The following IL5RA variants were observed in gnomAD, a reference collection of about 807,000 sequenced individuals.
IL5RA encodes interleukin-5 receptor subunit alpha.
In IL5RA, 49 loss-of-function variants were observed where a neutral mutation model predicts 50.0. The observed-to-expected ratio is 0.98, with a 90% confidence interval of 0.78 to 1.24. The LOEUF (loss-of-function observed/expected upper bound fraction) is 1.24, where lower values mean the gene tolerates loss of function less well. IL5RA is among the 50% of genes most tolerant of loss of function. The pLI is 0.00. For missense variants in IL5RA, 600 were observed against 500.4 expected (o/e 1.20, Z -1.90); for synonymous variants, 202 against 174.0 (o/e 1.16, Z -1.26).
chr3:3,101,084 C>T (rs1703627855), intron 5 of IL5RA, among the ~76,000 whole-genome samples: 2 of 151,284 alleles, frequency 1.3e-5, no homozygotes, highest in South Asian at 2.1e-4. Context: ...GAGGCTGTGA[C>T]ATGAGAACCG....
At chr3:3,070,366 T>C (rs1032512120) in intron 11 of IL5RA, 55 bp from the exon 12 acceptor site, 1 of 1,107,404 alleles carries the variant, frequency 9.0e-7, no homozygotes, top group Non-Finnish European at 1.4e-6. Flanking sequence ...TTGGGTTCTT[T>C]GAAATCTTTA....
In IL5RA at chr3:3,101,766, A is replaced by C; in HGVS notation, c.293T>G (p.Val98Gly). 1 of 1,614,182 alleles carries C rather than the reference A, an allele frequency of 6.2e-7. No homozygotes were observed. Among genetic ancestry groups the C allele is most frequent in the Non-Finnish European group, 8.5e-7 (1 of 1,179,990 alleles). ...GTGGTCGTTCTGCAGGATGGTCCGC[A>C]CACTTGCTGAAAAGCCTTTGTGGAG... is the stretch of plus-strand genomic sequence containing the variant. ...TILHKGFSASVRTILQNDHSL... is the reference protein window; with the variant it reads ...TILHKGFSASGRTILQNDHSL... Residue 98 changes from valine (V) to glycine (G), a missense_variant, in exon 5 of 12, where the codon GTG becomes GGG. By Grantham distance (109) the Val-to-Gly change is moderately radical (BLOSUM62 -3). Transcript: ENST00000446632.
At chr3:3,090,132 A>G (rs1703025761) in intron 9 of IL5RA, 4 of 1,403,582 alleles carry the variant, frequency 2.8e-6, no homozygotes, top group South Asian at 1.2e-5. Flanking sequence ...TGTATTTAGC[A>G]TAGTGCTTGG....
intron 8 of IL5RA, 112 bp downstream of exon 8, chr3:3,095,187 T>C: frequency 1.3e-6 from 1 of 749,416 alleles, no homozygotes; most frequent in Non-Finnish European, 2.2e-6. Context: ...TAAGTTAACT[T>C]TGACCTTGTT....
intron 10 of IL5RA, among the ~76,000 whole-genome samples, chr3:3,075,956 C>A (rs1048381201): frequency 6.6e-6 from 1 of 152,098 alleles, no homozygotes; most frequent in Non-Finnish European, 1.5e-5. Context: ...TGTTTTTAAG[C>A]CTCCTAAAAG....
rs1559875557 is a variant in IL5RA at position 3,098,177 on chromosome 3, T to C, written c.481A>G (p.Thr161Ala). The change falls in exon 6 of 12, where the codon ACA becomes GCA. Residue 161 changes from threonine to alanine, a missense_variant. By Grantham distance (58) the Thr-to-Ala change is moderately conservative. Coordinates refer to ENST00000446632, the MANE Select transcript of IL5RA (RefSeq NM_175726.4). The stretch of plus-strand genomic sequence containing the variant: ...TACTGCGTGTCCTCAGGGGCATCTG[T>C]GCCAACAAGCCAGGTGCAGTGAAGG... ...VSLHCTWLVG[T>A]DAPEDTQYFL... 1 of 1,614,166 alleles carries C rather than the reference T, an allele frequency of 6.2e-7. No homozygotes were observed. Among genetic ancestry groups the C allele is most frequent in the Non-Finnish European group, 8.5e-7 (1 of 1,180,026 alleles).
chr3:3,102,853 T>C, intron 3 of IL5RA, 33 bp from the exon 4 acceptor site: 1 of 1,581,168 alleles, frequency 6.3e-7, no homozygotes, highest in East Asian at 2.3e-5. Flanking sequence ...AACAACACAA[T>C]GTTCAACTGG....
Position 3,069,200 on chromosome 3 carries a change from C to T in IL5RA, c.*1025G>A, listed in dbSNP as rs1702218926. The T allele has an allele frequency of 6.6e-6, 1 of 152,238 alleles. No homozygotes were observed. The highest frequency in any genetic ancestry group is 2.4e-5 in the African/African-American group (1 of 41,424). 9.4% of individuals were successfully genotyped at this position (152,238 alleles called of 1,614,324 possible). A position where few individuals can be genotyped will look rare whatever the true frequency, so the allele number is the denominator to read the frequency against. ...CCCAGGGCACACCTGTGCTTGGTTC[C>T]ACCTGCAGTCCACCACCCACCACAA... On this transcript the variant is annotated 3_prime_UTR_variant, in exon 12 of 12. Transcript: ENST00000446632.
intron 9 of IL5RA, among the ~76,000 whole-genome samples, chr3:3,080,164 C>T (rs340805): frequency 0.32 from 49,039 of 152,118 alleles, 8,611 homozygotes; most frequent in African/African-American, 0.44. Context: ...ATTTTCTATA[C>T]ATATTTTTGC....
At chr3:3,104,699 G>A (rs977953412) in intron 3 of IL5RA, among the ~76,000 whole-genome samples, 10 of 152,144 alleles carry the variant, frequency 6.6e-5, no homozygotes, top group African/African-American at 2.4e-4. Flanking sequence ...ATTTCCCACT[G>A]TAGCATAACA....
At chr3:3,096,726 A>G (rs919395445) in intron 7 of IL5RA, among the ~76,000 whole-genome samples, 1 of 152,216 alleles carries the variant, frequency 6.6e-6, no homozygotes, top group African/African-American at 2.4e-5. Flanking sequence ...TTCACCTAAG[A>G]AATATATTAC....
chr3:3,106,768 C>G (rs187138507), intron 2 of IL5RA, among the ~76,000 whole-genome samples: 301 of 152,170 alleles, frequency 2.0e-3, no homozygotes, highest in African/African-American at 6.1e-3. Context: ...TCAGCATTTC[C>G]TGAAATAATA....
rs559128050 is a variant in IL5RA at position 3,104,870 on chromosome 3, T to A, written c.82+33A>T. The A allele has an allele frequency of 2.8e-5, 36 of 1,307,036 alleles. No individual in the cohort carries two copies. The South Asian group carries it at 3.1e-4, about 11-fold the overall frequency. The allele number at this position is 1,307,036 out of a possible 1,614,324, so 81.0% of individuals were successfully genotyped here. A position where few individuals can be genotyped will look rare whatever the true frequency, so the allele number is the denominator to read the frequency against. ...CCTTTTACTAACATATTTTTAAAAA[T>A]AAACATTATTGAATTGAATAGAAGG... On this transcript the variant is annotated intron_variant, in intron 3 of 11. Coordinates refer to ENST00000446632, the MANE Select transcript of IL5RA (RefSeq NM_175726.4).
At chr3:3,099,023 G>GC (rs1191763525) in intron 5 of IL5RA, among the ~76,000 whole-genome samples, 4 of 152,176 alleles carry the variant, frequency 2.6e-5, no homozygotes, top group African/African-American at 9.7e-5. Flanking sequence ...GGAAGGTCTT[G>GC]CGTATCCCTT....
At chr3:3,090,795 G>A (rs1225247786) in intron 9 of IL5RA, among the ~76,000 whole-genome samples, 2 of 151,790 alleles carry the variant, frequency 1.3e-5, no homozygotes, top group African/African-American at 2.4e-5. Flanking sequence ...GGATGGTCTC[G>A]ATCTCCTGAC....
chr3:3,099,658 TTTATTATTA>T (rs10525244), intron 5 of IL5RA, among the ~76,000 whole-genome samples: 28 of 144,280 alleles, frequency 1.9e-4, no homozygotes, highest in Admixed American at 6.3e-4. Context: ...TTTTATTTTA[TTTATTATTA>T]TTATTATTAT....
At position 3,092,930 on chromosome 3, in the gene IL5RA, G is replaced by A. The variant is rs1703192107; in HGVS notation, c.856-568C>T. Among the ~76,000 whole-genome samples the A allele has an allele frequency of 6.6e-6, 1 of 151,842 alleles. No homozygotes were observed. The highest frequency in any genetic ancestry group is 6.6e-5 in the Admixed American group (1 of 15,236). On this transcript the variant is annotated intron_variant, in intron 8 of 11. Transcript: ENST00000446632. This position sits in a 1 kb window ranked among gnomAD's most constrained non-coding sequence, Gnocchi z 4.2. ...AGCCCTGTGACCATTGCCTATTTTA[G>A]CTCTTATTATCTTTTGCTTGGACCT...
intron 10 of IL5RA, 128 bp downstream of exon 10, chr3:3,076,403 T>C (rs1702484467): frequency 3.1e-6 from 2 of 640,900 alleles, no homozygotes; most frequent in African/African-American, 3.7e-5. Context: ...GGACAGGTCA[T>C]CTAGGCACAA....
chr3:3,105,071 G>T, intron 2 of IL5RA, 84 bp from the exon 3 acceptor site: 1 of 870,752 alleles, frequency 1.1e-6, no homozygotes, highest in Non-Finnish European at 1.9e-6. Context: ...ATAAAATGCA[G>T]TCGTTTGGCC....
Sources: gnomAD v4.1 joint callset for allele counts (sites outside exome capture counted in the v4.1 genomes callset) on GRCh38, gnomAD v4.1.1 for gene constraint, Gnocchi (gnomAD v3.1) non-coding constraint, MANE v1.5 for transcripts, NCBI Gene and HGNC (gene_info 2026-07-23, HGNC 2026-07-21) for gene names.